Variants in SMYD3 observed in about 807,000 individuals in gnomAD.
SMYD3 encodes the protein SET and MYND domain containing 3.
A neutral mutation model predicts 57.7 loss-of-function variants in SMYD3; 36 were observed. The ratio of observed to expected loss-of-function variants is 0.62; its 90% CI spans 0.48 to 0.82. The LOEUF (loss-of-function observed/expected upper bound fraction) is 0.82, where lower values mean the gene tolerates loss of function less well. SMYD3 is among the 40% of genes least tolerant of loss of function. SMYD3 has a pLI of 0.00. For missense variants in SMYD3, 515 were observed against 538.8 expected (o/e 0.96, Z 0.44); for synonymous variants, 211 against 195.0 (o/e 1.08, Z -0.68).
At chr1:246,390,795 G>T (rs1364703409) in intron 1 of SMYD3, among the ~76,000 whole-genome samples, 1 of 152,030 alleles carries the variant, frequency 6.6e-6, no homozygotes. Flanking sequence ...CATTTCAAGT[G>T]CACAACAGCC....
chr1:246,326,515 T>C, intron 5 of SMYD3: 1 of 543,622 alleles, frequency 1.8e-6, no homozygotes, highest in Middle Eastern at 4.3e-4. Context: ...AGTTCGCGCC[T>C]GTAATCCCAG....
intron 5 of SMYD3, among the ~76,000 whole-genome samples, chr1:246,032,587 C>T (rs375491263): frequency 2.0e-5 from 3 of 152,258 alleles, no homozygotes; most frequent in African/African-American, 4.8e-5. Flanking sequence ...TCCATTCCCT[C>T]GCATTCAAAT....
chr1:246,384,853 T>C (rs962118537), intron 1 of SMYD3, among the ~76,000 whole-genome samples: 36 of 152,230 alleles, frequency 2.4e-4, no homozygotes, highest in African/African-American at 8.7e-4. Context: ...TCCTATTTAC[T>C]ATCTGTCAAA....
intron 10 of SMYD3, among the ~76,000 whole-genome samples, chr1:245,832,307 C>T (rs574276800): frequency 3.0e-4 from 45 of 152,184 alleles, no homozygotes; most frequent in Non-Finnish European, 5.3e-4. Flanking sequence ...GGAATTTATC[C>T]GACATCAAAT....
chr1:246,002,406 GA>G (rs1315104620), intron 5 of SMYD3, among the ~76,000 whole-genome samples: 9 of 46,732 alleles, frequency 1.9e-4, no homozygotes, highest in African/African-American at 5.7e-4. Flanking sequence ...GGATGGTCTC[GA>G]TCTCCTGACC....
chr1:246,229,293 A>G (rs1171168453), intron 5 of SMYD3, among the ~76,000 whole-genome samples: 1 of 152,030 alleles, frequency 6.6e-6, no homozygotes, highest in Admixed American at 6.6e-5. Flanking sequence ...CATTTATCTT[A>G]CTAATTTTAA....
chr1:246,243,291 AT>A (rs1207626396), intron 5 of SMYD3, among the ~76,000 whole-genome samples: 5 of 149,392 alleles, frequency 3.3e-5, no homozygotes, highest in Admixed American at 6.9e-5. Flanking sequence ...TTTGTCACTT[AT>A]TTTTTCCCTC....
intron 1 of SMYD3, among the ~76,000 whole-genome samples, chr1:246,407,784 G>A (rs2066889724): frequency 6.6e-6 from 1 of 152,018 alleles, no homozygotes; most frequent in Non-Finnish European, 1.5e-5. Context: ...AGAGGTTGCA[G>A]TGAGCCGAGA....
At chr1:246,326,467 T>TAA (rs367922653) in intron 5 of SMYD3, 64 of 535,600 alleles carry the variant, frequency 1.2e-4, no homozygotes, top group Middle Eastern at 3.0e-4. Flanking sequence ...CGGAATCATT[T>TAA]AAAAAAAAAA....
intron 5 of SMYD3, among the ~76,000 whole-genome samples, chr1:246,151,669 T>C (rs540660789): frequency 6.6e-6 from 1 of 152,312 alleles, no homozygotes; most frequent in South Asian, 2.1e-4. Flanking sequence ...CATCACTTGA[T>C]TAGATGAGCA....
rs1327448677 is a variant in SMYD3, at chr1:246,306,703, A to G, written c.531+20498T>C. 2.0e-5 allele frequency among the ~76,000 whole-genome samples: 3 copies of G among 152,240 alleles called. No homozygotes were observed. The East Asian group carries it at 5.8e-4, about 29-fold the overall frequency. On this transcript the variant is annotated intron_variant, in intron 5 of 11. Coordinates refer to ENST00000490107, the MANE Select transcript of SMYD3 (RefSeq NM_001167740.2). ...CTCTGCACTACAAAGAATTAATTGAAGCAAACTCGCTCAGATAAGATCATT... is the reference window on the plus strand; with the variant it reads ...CTCTGCACTACAAAGAATTAATTGAGGCAAACTCGCTCAGATAAGATCATT...
intron 11 of SMYD3, among the ~76,000 whole-genome samples, chr1:245,752,087 C>T (rs760346349): frequency 3.3e-5 from 5 of 152,196 alleles, no homozygotes; most frequent in South Asian, 2.1e-4. Flanking sequence ...AGCACGATTG[C>T]GGAAAGAGAA....
At chr1:246,262,691 G>A (rs2064033770) in intron 5 of SMYD3, among the ~76,000 whole-genome samples, 1 of 152,018 alleles carries the variant, frequency 6.6e-6, no homozygotes, top group Non-Finnish European at 1.5e-5. Context: ...CAGTACCTAG[G>A]TCATATTAGG....
intron 5 of SMYD3, among the ~76,000 whole-genome samples, chr1:246,073,679 G>A (rs978514200): frequency 2.0e-5 from 3 of 152,014 alleles, no homozygotes; most frequent in South Asian, 2.1e-4. Flanking sequence ...ATCACGCCAC[G>A]GTACTCCAGC....
intron 5 of SMYD3, among the ~76,000 whole-genome samples, chr1:246,253,965 CA>C (rs2063837473): frequency 6.6e-6 from 1 of 152,154 alleles, no homozygotes; most frequent in East Asian, 1.9e-4. Context: ...TATTCCCATC[CA>C]CATAAGTACT....
At chr1:246,485,976 G>A (rs1287054561) in intron 1 of SMYD3, among the ~76,000 whole-genome samples, 2 of 152,122 alleles carry the variant, frequency 1.3e-5, no homozygotes, top group Non-Finnish European at 2.9e-5. Flanking sequence ...AAAGCCCATG[G>A]ACTCATTCCT....
At chr1:245,867,651 TGCGTGTGCGTGCGC>T (rs1178284366) in intron 8 of SMYD3, among the ~76,000 whole-genome samples, 23 of 144,708 alleles carry the variant, frequency 1.6e-4, no homozygotes, top group Admixed American at 1.2e-3. Context: ...TGCATGCGCG[TGCGTGTGCGTGCGC>T]GCGCACACAC....
chr1:246,327,087 G>A lies in SMYD3; in HGVS notation c.531+114C>T, dbSNP rs2065365846. On this transcript the variant is annotated intron_variant, in intron 5 of 11. Coordinates refer to ENST00000490107, the MANE Select transcript of SMYD3 (RefSeq NM_001167740.2). ...CACTATGATAAGGAAGTAATATAAG[G>A]CATTAAGGGTCTTGAATTTCCTGTC... The A allele has an allele frequency of 3.3e-6, 4 of 1,201,436 alleles. No individual in the cohort carries two copies. In the East Asian group the frequency reaches 7.0e-5, roughly 21 times the overall value. 74.4% of individuals were successfully genotyped at this position (1,201,436 alleles called of 1,614,324 possible).
chr1:246,007,109 C>T (rs1036494881), intron 5 of SMYD3, among the ~76,000 whole-genome samples: 1 of 152,200 alleles, frequency 6.6e-6, no homozygotes, highest in Non-Finnish European at 1.5e-5. Context: ...TCTAAAGAGG[C>T]TGCTGGAGAA....
Sources: gnomAD v4.1 joint callset for allele counts (sites outside exome capture counted in the v4.1 genomes callset) on GRCh38, gnomAD v4.1.1 for gene constraint, MANE v1.5 for transcripts, NCBI Gene and HGNC (gene_info 2026-07-23, HGNC 2026-07-21) for gene names.